Variants in IFTAP observed in about 807,000 individuals in gnomAD.
IFTAP encodes intraflagellar transport-associated protein.
In IFTAP, 19 loss-of-function variants were observed where a neutral mutation model predicts 19.4. The ratio of observed to expected loss-of-function variants is 0.98; its 90% CI spans 0.68 to 1.44. IFTAP has a LOEUF of 1.44. IFTAP is among the 40% of genes most tolerant of loss of function. The pLI is 0.00. For synonymous variants in IFTAP, 85 were observed against 83.5 expected, an observed-to-expected ratio of 1.02 and a Z score of -0.10; for missense variants, 240 against 253.6, an observed-to-expected ratio of 0.95 and a Z score of 0.36.
intron 2 of IFTAP, among the ~76,000 whole-genome samples, chr11:36,615,465 T>A: frequency 2.0e-5 from 1 of 50,910 alleles, no homozygotes; most frequent in East Asian, 4.6e-4. Flanking sequence ...AGAAAGTCAT[T>A]GGTAGCTTGA....
At chr11:36,628,699 T>TC (rs1437726152) in intron 2 of IFTAP, among the ~76,000 whole-genome samples, 2 of 151,220 alleles carry the variant, frequency 1.3e-5, no homozygotes, top group Non-Finnish European at 2.9e-5. Flanking sequence ...AACATTACAC[T>TC]CTGTTCATAT....
chr11:36,641,297 A>G (rs905494692), intron 4 of IFTAP, among the ~76,000 whole-genome samples: 1 of 152,168 alleles, frequency 6.6e-6, no homozygotes, highest in African/African-American at 2.4e-5. Context: ...ATGTAATTTG[A>G]TTATTAGTAA....
At position 36,629,643 on chromosome 11, in the gene IFTAP, T is replaced by C. The variant is rs769002898; in HGVS notation, c.137-3641T>C. Among the ~76,000 whole-genome samples the C allele has an allele frequency of 5.9e-5, 9 of 151,592 alleles. No homozygotes were observed. In the South Asian group the frequency reaches 1.9e-3, roughly 31 times the overall value. ...TAATCACTTTTATCTGAAAGATGTA[T>C]AATCAATATGTGGTTAGTGTTTAAT... On this transcript the variant is annotated intron_variant, in intron 2 of 5. Coordinates refer to ENST00000334307, the MANE Select transcript of IFTAP (RefSeq NM_138787.4).
At chr11:36,656,696 T>G (rs1854007054) in intron 5 of IFTAP, among the ~76,000 whole-genome samples, 1 of 152,090 alleles carries the variant, frequency 6.6e-6, no homozygotes, top group Admixed American at 6.6e-5. Context: ...ACTTTTGTCT[T>G]CTCCTTGAAG....
intron 4 of IFTAP, among the ~76,000 whole-genome samples, chr11:36,639,893 C>T (rs1498339): frequency 0.14 from 20,577 of 152,022 alleles, 2,131 homozygotes; most frequent in African/African-American, 0.29. Context: ...TCGGTTACCT[C>T]TTTTTTTGAA....
At position 36,635,395 on chromosome 11, in the gene IFTAP, G is replaced by C. The variant is rs183118006; in HGVS notation, c.292-656G>C. On this transcript the variant is annotated intron_variant, in intron 3 of 5. Coordinates refer to ENST00000334307, the MANE Select transcript of IFTAP (RefSeq NM_138787.4). ...AATGTCTCATTGTCAGCTTGCAGTG[G>C]AAAGCAGTATTCCATGTGGAATAGT... is the stretch of plus-strand genomic sequence containing the variant. Among the ~76,000 whole-genome samples, 563 of 152,252 alleles carry C rather than the reference G, an allele frequency of 3.7e-3. 5 individuals are homozygous for C. Among genetic ancestry groups the C allele is most frequent in the Middle Eastern group, 0.014 (4 of 294 alleles).
intron 2 of IFTAP, among the ~76,000 whole-genome samples, chr11:36,622,708 A>G (rs1852348524): frequency 6.6e-6 from 1 of 151,568 alleles, no homozygotes; most frequent in South Asian, 2.1e-4. Context: ...AGACTTACTC[A>G]TGTGTAAAGT....
chr11:36,611,876 G>T lies in IFTAP; in HGVS notation c.136+1637G>T, dbSNP rs536209448. On this transcript the variant is annotated intron_variant, in intron 2 of 5. Transcript: ENST00000334307. The stretch of plus-strand genomic sequence containing the variant: ...GATACCTGCTTTGTTCGAGACTAAT[G>T]ATTTAGTTTGTGTTTTCTGGACCCA... 1.7e-4 allele frequency among the ~76,000 whole-genome samples: 26 copies of T among 152,136 alleles called. No individual in the cohort carries two copies. In the South Asian group the frequency reaches 2.7e-3, roughly 16 times the overall value.
chr11:36,643,167 A>T (rs1453175732), intron 4 of IFTAP, among the ~76,000 whole-genome samples: 1 of 152,240 alleles, frequency 6.6e-6, no homozygotes, highest in Non-Finnish European at 1.5e-5. Flanking sequence ...AGGATACAAA[A>T]TCAATGTGCA....
intron 2 of IFTAP, among the ~76,000 whole-genome samples, chr11:36,612,211 G>T (rs1475859075): frequency 6.6e-6 from 1 of 151,664 alleles, no homozygotes; most frequent in Non-Finnish European, 1.5e-5. Context: ...GTTCAGTTTT[G>T]GACCCCAAAT....
At chr11:36,611,116 C>T (rs960626921) in intron 2 of IFTAP, among the ~76,000 whole-genome samples, 2 of 152,080 alleles carry the variant, frequency 1.3e-5, no homozygotes, top group Admixed American at 1.3e-4. Flanking sequence ...CGCTCTCTGG[C>T]ACTCACACAG....
At chr11:36,652,026 G>T (rs1342774343) in intron 5 of IFTAP, among the ~76,000 whole-genome samples, 2 of 152,152 alleles carry the variant, frequency 1.3e-5, no homozygotes, top group African/African-American at 2.4e-5. Flanking sequence ...GATTGTCTTG[G>T]CAATGCAGGC....
chr11:36,605,755 A>AT (rs1851672187), intron 1 of IFTAP, among the ~76,000 whole-genome samples: 1 of 152,146 alleles, frequency 6.6e-6, no homozygotes, highest in Non-Finnish European at 1.5e-5. Context: ...CTTGTGATTT[A>AT]CCAGCAGATA....
intron 1 of IFTAP, among the ~76,000 whole-genome samples, chr11:36,602,643 A>T (rs1159303975): frequency 6.6e-6 from 1 of 152,160 alleles, no homozygotes; most frequent in East Asian, 1.9e-4. Flanking sequence ...CGCCGTTACT[A>T]CCCATAACTC....
intron 2 of IFTAP, among the ~76,000 whole-genome samples, chr11:36,616,193 TA>T (rs1156573223): frequency 6.6e-6 from 1 of 152,008 alleles, no homozygotes; most frequent in Non-Finnish European, 1.5e-5. Context: ...CAAGTGATTC[TA>T]GAGTTTTTAT....
At chr11:36,626,198 G>A (rs902205742) in intron 2 of IFTAP, among the ~76,000 whole-genome samples, 1 of 151,202 alleles carries the variant, frequency 6.6e-6, no homozygotes, top group African/African-American at 2.5e-5. Flanking sequence ...AAAAATATAT[G>A]TCCTCGATTA....
chr11:36,620,618 A>G (rs889376072), intron 2 of IFTAP, among the ~76,000 whole-genome samples: 17 of 151,958 alleles, frequency 1.1e-4, no homozygotes, highest in African/African-American at 4.1e-4. Flanking sequence ...ATAGATAATC[A>G]TTTGTTTTTT....
At chr11:36,597,932 A>G (rs1477026009) in intron 1 of IFTAP, among the ~76,000 whole-genome samples, 1 of 152,154 alleles carries the variant, frequency 6.6e-6, no homozygotes, top group Non-Finnish European at 1.5e-5. Flanking sequence ...AAGCAGCCAG[A>G]GAACAGAAAG....
intron 2 of IFTAP, among the ~76,000 whole-genome samples, chr11:36,612,967 T>C (rs541578949): frequency 6.6e-6 from 1 of 152,216 alleles, no homozygotes; most frequent in Admixed American, 6.5e-5. Flanking sequence ...TGGTTTTTTC[T>C]TTTTTAGAGC....
Sources: allele counts gnomAD v4.1 joint callset (sites outside exome capture counted in the v4.1 genomes callset), GRCh38; gene constraint gnomAD v4.1.1; transcripts MANE v1.5; gene names NCBI Gene and HGNC (gene_info 2026-07-23, HGNC 2026-07-21).